VWCE: variants seen among roughly 807,000 people sequenced by gnomAD.
VWCE encodes von Willebrand factor C and EGF domains.
Under a neutral mutation model 102.9 loss-of-function variants are expected in VWCE, and 68 were observed. That is an observed-to-expected ratio of 0.66 (90% CI 0.54 to 0.81). The LOEUF is 0.81. VWCE is among the 30% of genes least tolerant of loss of function. The pLI is 0.00. For synonymous variants in VWCE, 497 were observed against 515.4 expected, an observed-to-expected ratio of 0.96 and a Z score of 0.48; for missense variants, 1,137 against 1,263.6, an observed-to-expected ratio of 0.90 and a Z score of 1.52.
chr11:61,259,928 G>A (rs1252975435), intron 19 of VWCE, among the ~76,000 whole-genome samples: 2 of 152,194 alleles, frequency 1.3e-5, no homozygotes, highest in Non-Finnish European at 2.9e-5. Context: ...CTTGACTTAC[G>A]ATGGGGTCAC....
intron 13 of VWCE, among the ~76,000 whole-genome samples, chr11:61,272,722 G>A (rs190620787): frequency 0.014 from 2,081 of 150,444 alleles, 29 homozygotes; most frequent in South Asian, 0.054. Flanking sequence ...TCACACAGAC[G>A]CACACTACTC....
At chr11:61,289,456 G>C (rs1055308348) in intron 4 of VWCE, among the ~76,000 whole-genome samples, 2 of 151,582 alleles carry the variant, frequency 1.3e-5, no homozygotes, top group African/African-American at 4.9e-5. Flanking sequence ...CACCATGTTG[G>C]CCAGGCTGGT....
intron 12 of VWCE, among the ~76,000 whole-genome samples, chr11:61,273,517 A>G (rs559932653): frequency 2.0e-5 from 3 of 151,948 alleles, no homozygotes; most frequent in African/African-American, 4.8e-5. Context: ...GAGTCCTTCA[A>G]TGGGGGCTGG....
chr11:61,264,394 T>G, intron 19 of VWCE, 93 bp downstream of exon 19: 1 of 1,307,930 alleles, frequency 7.6e-7, no homozygotes, highest in Admixed American at 2.0e-5. Flanking sequence ...TGGCTTTCTC[T>G]TATCCAGCCC....
At position 61,286,295 on chromosome 11, in the gene VWCE, T is replaced by C. The variant is rs766812351; in HGVS notation, c.541+19A>G. 3.1e-6 allele frequency: 5 copies of C among 1,601,188 alleles called. No individual in the cohort carries two copies. Among genetic ancestry groups the C allele is most frequent in the Middle Eastern group, 1.7e-4 (1 of 5,988 alleles). The stretch of plus-strand genomic sequence containing the variant: ...CCCATTACCCCTCCCAGAGCAGCCA[T>C]TCCTTCTCTGCAGCTCACCTTGGCA... On this transcript the variant is annotated intron_variant, in intron 5 of 19. Transcript: ENST00000335613.
At chr11:61,293,462 A>C (rs2134866096) in intron 1 of VWCE, among the ~76,000 whole-genome samples, 1 of 151,326 alleles carries the variant, frequency 6.6e-6, no homozygotes, top group South Asian at 2.1e-4. Flanking sequence ...AAGAAGAGGA[A>C]GGGAGAGGGT....
chr11:61,275,145 A>C (rs1854863383), intron 11 of VWCE, among the ~76,000 whole-genome samples: 1 of 152,240 alleles, frequency 6.6e-6, no homozygotes, highest in Admixed American at 6.5e-5. Flanking sequence ...ATAACTAAAA[A>C]GTAACAGAAA....
At chr11:61,269,082 G>A in intron 14 of VWCE, 64 bp from the exon 15 acceptor site, 13 of 1,507,396 alleles carry the variant, frequency 8.6e-6, no homozygotes, top group Admixed American at 7.2e-5. Context: ...TCCCCGCCCT[G>A]CAAAAGAAAC....
chr11:61,261,219 CAAA>C (rs550476012), intron 19 of VWCE, among the ~76,000 whole-genome samples: 1 of 121,876 alleles, frequency 8.2e-6, no homozygotes, highest in African/African-American at 2.9e-5. Context: ...GACTCCATCT[CAAA>C]AAAAAAAAAG....
chr11:61,263,128 G>T (rs1006904719), intron 19 of VWCE, among the ~76,000 whole-genome samples: 6 of 152,110 alleles, frequency 3.9e-5, no homozygotes, highest in Non-Finnish European at 2.9e-5. Flanking sequence ...CGAACATGGC[G>T]AAACCTTGTC....
chr11:61,268,611 T>C (rs1191752010), intron 15 of VWCE, among the ~76,000 whole-genome samples: 1 of 152,100 alleles, frequency 6.6e-6, no homozygotes, highest in African/African-American at 2.4e-5. Context: ...ATGGAAAAGG[T>C]AAAAATGACT....
At chr11:61,270,342 A>G (rs1354605121) in intron 14 of VWCE, among the ~76,000 whole-genome samples, 1 of 152,228 alleles carries the variant, frequency 6.6e-6, no homozygotes, top group Admixed American at 6.5e-5. Context: ...AGGTGTGGGC[A>G]GGGCCTCGAA....
At chr11:61,266,803 G>A (rs534750697) in intron 16 of VWCE, among the ~76,000 whole-genome samples, 10 of 152,284 alleles carry the variant, frequency 6.6e-5, no homozygotes, top group Middle Eastern at 3.4e-3. Flanking sequence ...TGCCTATGAA[G>A]GGCGTGGCAC....
chr11:61,286,293 C>T, intron 5 of VWCE, 21 bp downstream of exon 5: 2 of 1,598,236 alleles, frequency 1.3e-6, no homozygotes, highest in Non-Finnish European at 1.7e-6. Flanking sequence ...CCAGAGCAGC[C>T]ATTCCTTCTC....
At position 61,280,893 on chromosome 11, in the gene VWCE, G is replaced by C. The variant is rs559387466; in HGVS notation, c.1130C>G (p.Pro377Arg). The change falls in exon 8 of 20, where the codon CCC becomes CGC. Residue 377 changes from proline (P) to arginine (R), a missense_variant. By Grantham distance (103) the Pro-to-Arg change is moderately radical (BLOSUM62 -2). This residue lies in a region of VWCE where 575 missense variants were observed against 625.9 expected (regional missense o/e 0.92). Coordinates refer to ENST00000335613, the MANE Select transcript of VWCE (RefSeq NM_152718.2). ...GGGAGAGGGCCCTGCTGCCAGTCGGGGGGACTCAGGGCCCCTGGGTGAGGA... is the reference window on the plus strand; with the variant it reads ...GGGAGAGGGCCCTGCTGCCAGTCGGCGGGACTCAGGGCCCCTGGGTGAGGA... ...TPSSPRGPES[P>R]RLAAGPSPCW... 1 of 1,530,602 alleles carries C rather than the reference G, an allele frequency of 6.5e-7. No individual in the cohort carries two copies. The highest frequency in any genetic ancestry group is 2.3e-5 in the East Asian group (1 of 44,064). The allele number at this position is 1,530,602 out of a possible 1,614,324, so 94.8% of individuals were successfully genotyped here.
chr11:61,286,019 G>A (rs1172799151), intron 5 of VWCE, among the ~76,000 whole-genome samples: 1 of 152,172 alleles, frequency 6.6e-6, no homozygotes, highest in Non-Finnish European at 1.5e-5. Flanking sequence ...CTCCCAAAGT[G>A]CAAGGATTAC....
chr11:61,283,908 T>G (rs1435754833), intron 5 of VWCE, among the ~76,000 whole-genome samples: 1 of 152,234 alleles, frequency 6.6e-6, no homozygotes, highest in African/African-American at 2.4e-5. Context: ...ATAATCTCCA[T>G]GTTCATCAAT....
intron 14 of VWCE, among the ~76,000 whole-genome samples, chr11:61,269,887 A>C (rs1314037676): frequency 6.6e-6 from 1 of 151,480 alleles, no homozygotes; most frequent in Non-Finnish European, 1.5e-5. Context: ...TCCCAACTCT[A>C]ATTTCAATGA....
chr11:61,281,709 G>A (rs1314626750), intron 7 of VWCE, 77 bp downstream of exon 7: 4 of 1,515,776 alleles, frequency 2.6e-6, no homozygotes, highest in African/African-American at 2.8e-5. Context: ...GGAGGGGCCA[G>A]GCTATGGGGG....
Sources: gnomAD v4.1 joint callset for allele counts (sites outside exome capture counted in the v4.1 genomes callset) on GRCh38, gnomAD v4.1.1 for gene constraint, gnomAD v4.1.1 regional missense constraint, MANE v1.5 for transcripts, NCBI Gene and HGNC (gene_info 2026-07-23, HGNC 2026-07-21) for gene names.